Variants in MRPL22 observed in about 807,000 individuals in gnomAD.
MRPL22 encodes the protein large ribosomal subunit protein uL22m.
In MRPL22, 27 loss-of-function variants were observed where a neutral mutation model predicts 32.4. The observed-to-expected ratio is 0.83, with a 90% CI of 0.61 to 1.15. The LOEUF (loss-of-function observed/expected upper bound fraction) is 1.15, where lower values mean the gene tolerates loss of function less well. MRPL22 is among the 50% of genes most tolerant of loss of function. The probability of loss-of-function intolerance (pLI) is 0.00; values close to 1 mark genes in which losing one functional copy is unlikely to be tolerated. For synonymous variants in MRPL22, 86 were observed against 87.3 expected, an observed-to-expected ratio of 0.99 and a Z score of 0.08; for missense variants, 239 against 260.2, an observed-to-expected ratio of 0.92 and a Z score of 0.56.
At chr5:154,963,592 A>G (rs761707785) in intron 6 of MRPL22, among the ~76,000 whole-genome samples, 5 of 152,254 alleles carry the variant, frequency 3.3e-5, no homozygotes, top group African/African-American at 4.8e-5. Flanking sequence ...CTGTATTGAA[A>G]AAATGATATT....
At chr5:154,943,677 A>C (rs1582686617) in intron 2 of MRPL22, among the ~76,000 whole-genome samples, 1 of 151,512 alleles carries the variant, frequency 6.6e-6, no homozygotes, top group East Asian at 1.9e-4. Flanking sequence ...TAGATATTAA[A>C]ATTTTTTTTT....
chr5:154,956,221 T>C (rs571054724), intron 3 of MRPL22, 150 bp from the exon 4 acceptor site: 17 of 625,042 alleles, frequency 2.7e-5, no homozygotes, highest in Admixed American at 1.7e-4. Context: ...GGGAAAATAA[T>C]CTCTAAATTC....
chr5:154,944,313 C>T (rs937931958), intron 2 of MRPL22, among the ~76,000 whole-genome samples: 3 of 152,204 alleles, frequency 2.0e-5, no homozygotes, highest in Middle Eastern at 3.4e-3. Flanking sequence ...AGGCTGGTCT[C>T]GCACTCTTGG....
chr5:154,945,095 G>A (rs1211715791), intron 2 of MRPL22, among the ~76,000 whole-genome samples: 2 of 152,144 alleles, frequency 1.3e-5, no homozygotes, highest in Non-Finnish European at 2.9e-5. Context: ...TTTATGAGTG[G>A]TTCTTTCTGG....
intron 6 of MRPL22, 81 bp downstream of exon 6, chr5:154,960,130 A>T: frequency 9.9e-7 from 1 of 1,008,364 alleles, no homozygotes; most frequent in Non-Finnish European, 1.5e-6. Context: ...AGTCTTTAAT[A>T]TCTAACTCCT....
chr5:154,946,657 T>C (rs1764495434), intron 2 of MRPL22, among the ~76,000 whole-genome samples: 1 of 150,794 alleles, frequency 6.6e-6, no homozygotes, highest in Non-Finnish European at 1.5e-5. Flanking sequence ...CTACTAAAAA[T>C]ACAAAAATTA....
chr5:154,961,095 A>G (rs960793007), intron 6 of MRPL22, among the ~76,000 whole-genome samples: 2 of 152,224 alleles, frequency 1.3e-5, no homozygotes, highest in Non-Finnish European at 2.9e-5. Context: ...TGTGCTGATT[A>G]GGTTAAAATC....
intron 3 of MRPL22, among the ~76,000 whole-genome samples, chr5:154,952,735 C>T (rs921865371): frequency 7.2e-5 from 11 of 152,152 alleles, no homozygotes; most frequent in East Asian, 1.9e-4. Flanking sequence ...CATAATACTG[C>T]GCTATAATAT....
At chr5:154,946,115 G>C (rs1028643624) in intron 2 of MRPL22, among the ~76,000 whole-genome samples, 2 of 147,092 alleles carry the variant, frequency 1.4e-5, no homozygotes, top group African/African-American at 4.9e-5. Flanking sequence ...AATATGTATT[G>C]AAGATTTGAA....
At chr5:154,954,862 G>C (rs2113539465) in intron 3 of MRPL22, among the ~76,000 whole-genome samples, 1 of 152,232 alleles carries the variant, frequency 6.6e-6, no homozygotes, top group African/African-American at 2.4e-5. Flanking sequence ...CGCAATCTCA[G>C]CTCACTACAA....
At chr5:154,946,039 C>A (rs1049587891) in intron 2 of MRPL22, among the ~76,000 whole-genome samples, 1 of 152,150 alleles carries the variant, frequency 6.6e-6, no homozygotes, top group Admixed American at 6.5e-5. Flanking sequence ...TATAAGAATT[C>A]AGAAAGCTTT....
At chr5:154,965,831 T>C (rs2113548597) in intron 6 of MRPL22, among the ~76,000 whole-genome samples, 1 of 152,308 alleles carries the variant, frequency 6.6e-6, no homozygotes, top group Middle Eastern at 3.4e-3. Context: ...TAAAACTGGC[T>C]GTCAGTCAGA....
chr5:154,960,247 G>C lies in MRPL22; in HGVS notation c.409+198G>C, dbSNP rs564676012. Among the ~76,000 whole-genome samples the C allele has an allele frequency of 1.1e-4, 16 of 152,184 alleles. No individual in the cohort carries two copies. The South Asian group carries it at 2.7e-3, about 26-fold the overall frequency. On this transcript the variant is annotated intron_variant, in intron 6 of 6. Coordinates refer to ENST00000523037, the MANE Select transcript of MRPL22 (RefSeq NM_014180.4). Reference sequence around the variant, plus strand: ...TGACAATAACTGTACTGTTTTACCTGTTCTGTAGTGAGACTGAGATCATAA... The same window carrying C: ...TGACAATAACTGTACTGTTTTACCTCTTCTGTAGTGAGACTGAGATCATAA...
intron 3 of MRPL22, among the ~76,000 whole-genome samples, chr5:154,953,307 A>C (rs1764587237): frequency 1.4e-5 from 2 of 141,762 alleles, no homozygotes; most frequent in African/African-American, 5.2e-5. Context: ...GTGAGCTGAG[A>C]TCGCACCACT....
At chr5:154,956,900 G>A (rs1001231744) in intron 4 of MRPL22, 2 of 455,904 alleles carry the variant, frequency 4.4e-6, no homozygotes, top group African/African-American at 3.9e-5. Context: ...TGTCATGTTT[G>A]CTGTCTTTTA....
At chr5:154,950,686 C>T in intron 2 of MRPL22, 135 bp from the exon 3 acceptor site, 3 of 716,056 alleles carry the variant, frequency 4.2e-6, no homozygotes, top group East Asian at 4.9e-5. Context: ...TTAATGAATA[C>T]CTCTAGAATA....
intron 4 of MRPL22, 95 bp downstream of exon 4, chr5:154,956,531 A>T: frequency 1.3e-6 from 1 of 790,388 alleles, no homozygotes; most frequent in Non-Finnish European, 2.1e-6. Flanking sequence ...TGAAAAATAA[A>T]AAAGATTTGT....
chr5:154,952,411 T>G (rs751576431), intron 3 of MRPL22, among the ~76,000 whole-genome samples: 2 of 152,370 alleles, frequency 1.3e-5, no homozygotes, highest in African/African-American at 2.4e-5. Flanking sequence ...TGTGTTATAT[T>G]TAATGAAACT....
At chr5:154,945,369 A>G (rs1375388729) in intron 2 of MRPL22, among the ~76,000 whole-genome samples, 1 of 152,238 alleles carries the variant, frequency 6.6e-6, no homozygotes, top group Non-Finnish European at 1.5e-5. Flanking sequence ...TGAGCTAGGA[A>G]GACTTCCAGA....
Sources: allele counts gnomAD v4.1 joint callset (sites outside exome capture counted in the v4.1 genomes callset), GRCh38; gene constraint gnomAD v4.1.1; transcripts MANE v1.5; gene names NCBI Gene and HGNC (gene_info 2026-07-23, HGNC 2026-07-21).